TMEM62: variants seen among roughly 807,000 people sequenced by gnomAD.
The protein encoded by TMEM62 is transmembrane protein 62.
In TMEM62, 41 loss-of-function variants were observed where a neutral mutation model predicts 70.4. The observed-to-expected ratio is 0.58, with a 90% CI of 0.45 to 0.76. The LOEUF is 0.76. Ranked by LOEUF, TMEM62 falls within the 30% of genes least tolerant of loss-of-function variation. The probability of loss-of-function intolerance (pLI) is 0.00; values close to 1 mark genes in which losing one functional copy is unlikely to be tolerated. For synonymous variants in TMEM62, 268 were observed against 291.0 expected (o/e 0.92, Z 0.80); for missense variants, 688 against 788.5 (o/e 0.87, Z 1.53).
chr15:43,166,816 G>A (rs2039476298), intron 10 of TMEM62, among the ~76,000 whole-genome samples: 1 of 152,114 alleles, frequency 6.6e-6, no homozygotes, highest in Admixed American at 6.5e-5. Context: ...AACCCTGAGT[G>A]GATACACCAC....
intron 5 of TMEM62, among the ~76,000 whole-genome samples, chr15:43,147,879 G>T (rs2036871397): frequency 6.6e-6 from 1 of 151,850 alleles, no homozygotes; most frequent in South Asian, 2.1e-4. Flanking sequence ...AAACCCTGAG[G>T]GTAGATCCCA....
At chr15:43,169,388 C>T (rs545690329) in intron 10 of TMEM62, among the ~76,000 whole-genome samples, 13 of 152,306 alleles carry the variant, frequency 8.5e-5, no homozygotes, top group African/African-American at 2.2e-4. Context: ...AATGTTATAA[C>T]AATATGCTCC....
chr15:43,159,885 G>A (rs552370697), intron 9 of TMEM62, among the ~76,000 whole-genome samples: 15 of 152,174 alleles, frequency 9.9e-5, no homozygotes, highest in African/African-American at 3.6e-4. Context: ...GGAACAGAGG[G>A]AAATAAAAAA....
At chr15:43,151,724 A>G (rs1439215451) in intron 7 of TMEM62, 66 bp from the exon 8 acceptor site, 4 of 1,413,868 alleles carry the variant, frequency 2.8e-6, no homozygotes, top group Non-Finnish European at 2.9e-6. Context: ...TTTGTTCTGT[A>G]TATTACCTTC....
At chr15:43,142,388 C>T (rs2141558888) in intron 4 of TMEM62, among the ~76,000 whole-genome samples, 2 of 152,186 alleles carry the variant, frequency 1.3e-5, no homozygotes, top group East Asian at 3.9e-4. Flanking sequence ...TGGTCTTGAA[C>T]TCCTGACCTC....
intron 4 of TMEM62, among the ~76,000 whole-genome samples, chr15:43,140,446 C>A (rs565140471): frequency 6.6e-6 from 1 of 152,116 alleles, no homozygotes; most frequent in Non-Finnish European, 1.5e-5. Context: ...CCAACTTTGG[C>A]GGTCACATTG....
At position 43,169,596 on chromosome 15, in the gene TMEM62, C is replaced by T. The variant is rs779738250; in HGVS notation, c.1300C>T (p.Arg434Trp). ...GTTAACATCTATTTCCCTGCAGGCC[C>T]GGGTCCTTTTTGTGCTGATTGTGCT... ...ILRTDHYIMARVLFVLIVLSQ... is the reference protein window; with the variant it reads ...ILRTDHYIMAWVLFVLIVLSQ... Residue 434 changes from arginine to tryptophan, a missense_variant, in exon 11 of 14, where the codon CGG (arginine) becomes TGG (tryptophan). Arg to Trp is a moderately radical substitution (Grantham distance 101). Transcript: ENST00000260403. 47 of 1,613,712 alleles carry T rather than the reference C, an allele frequency of 2.9e-5. No homozygotes were observed. The highest frequency in any genetic ancestry group is 1.6e-4 in the East Asian group (7 of 44,886).
chr15:43,169,919 G>A (rs2040009488), intron 11 of TMEM62: 3 of 335,218 alleles, frequency 8.9e-6, no homozygotes, highest in Non-Finnish European at 1.6e-5. Context: ...GGTATGCATT[G>A]CTTCGGCCCC....
intron 12 of TMEM62, 65 bp downstream of exon 12, chr15:43,178,776 G>C (rs910572481): frequency 3.3e-6 from 3 of 915,860 alleles, no homozygotes; most frequent in Non-Finnish European, 5.1e-6. Context: ...TTTGACAATA[G>C]AATTAGACTC....
At chr15:43,154,620 A>G (rs1296679232) in intron 8 of TMEM62, 52 bp from the exon 9 acceptor site, 1 of 1,532,452 alleles carries the variant, frequency 6.5e-7, no homozygotes, top group African/African-American at 1.4e-5. Context: ...TCTCCTTTGC[A>G]AAAACAATGA....
chr15:43,144,957 T>C lies in TMEM62; in HGVS notation c.477-1536T>C, dbSNP rs190536988. Among the ~76,000 whole-genome samples, 665 of 151,860 alleles carry C rather than the reference T, an allele frequency of 4.4e-3. 5 individuals are homozygous for C. The highest frequency in any genetic ancestry group is 6.7e-3 in the Admixed American group (102 of 15,270). On this transcript the variant is annotated intron_variant, in intron 4 of 13. Coordinates refer to ENST00000260403, the MANE Select transcript of TMEM62 (RefSeq NM_024956.4). ...AATAAATGGCATTTTACTAAAAATA[T>C]AAATATTACAGAAATACCAATCTGA...
chr15:43,150,546 A>T (rs942488398), intron 7 of TMEM62, among the ~76,000 whole-genome samples: 7 of 152,254 alleles, frequency 4.6e-5, no homozygotes, highest in African/African-American at 1.7e-4. Context: ...AAAACAGTAT[A>T]TTGGAAATAT....
rs1333046715 is a variant in TMEM62, at chr15:43,133,865, G to A, written c.63G>A (p.Met21Ile). 5 of 1,483,560 alleles carry A rather than the reference G, an allele frequency of 3.4e-6. No homozygotes were observed. Among genetic ancestry groups the A allele is most frequent in the African/African-American group, 1.5e-5 (1 of 68,324 alleles). The allele number at this position is 1,483,560 out of a possible 1,614,324, so 91.9% of individuals were successfully genotyped here. A position where few individuals can be genotyped will look rare whatever the true frequency, so the allele number is the denominator to read the frequency against. ...TGGCGGCCGCAGCGCTGGTGGCCATGCTCTTGGAGCACTACGGCCTGGCGG... is the reference window on the plus strand; with the variant it reads ...TGGCGGCCGCAGCGCTGGTGGCCATACTCTTGGAGCACTACGGCCTGGCGG... ...AGLAAAALVA[M>I]LLEHYGLAGQ... Residue 21 changes from methionine to isoleucine, a missense_variant, in exon 1 of 14, where the codon ATG (methionine) becomes ATA (isoleucine). Coordinates refer to ENST00000260403, the MANE Select transcript of TMEM62 (RefSeq NM_024956.4).
At chr15:43,166,888 T>C (rs867831767) in intron 10 of TMEM62, among the ~76,000 whole-genome samples, 2 of 152,204 alleles carry the variant, frequency 1.3e-5, no homozygotes, top group African/African-American at 4.8e-5. Flanking sequence ...CAAGGCAGAA[T>C]AATTTTTCTT....
intron 13 of TMEM62, among the ~76,000 whole-genome samples, chr15:43,182,573 C>T (rs1465817016): frequency 6.6e-6 from 1 of 151,968 alleles, no homozygotes; most frequent in East Asian, 1.9e-4. Context: ...CCTGCCTCAG[C>T]CTCCCATGTA....
intron 4 of TMEM62, 111 bp from the exon 5 acceptor site, chr15:43,146,382 A>T (rs1192904140): frequency 9.8e-7 from 1 of 1,020,240 alleles, no homozygotes; most frequent in African/African-American, 1.6e-5. Flanking sequence ...TATTTCTGTC[A>T]GATCAGCAAA....
chr15:43,133,673 C>G lies in TMEM62; in HGVS notation c.-130C>G. On this transcript the variant is annotated 5_prime_UTR_variant, in exon 1 of 14. Transcript: ENST00000260403. ...CAGTGTCTGGCTCCAGCCCCGCATC[C>G]GGCGCCGGCCCCGCATCCAGCTCTG... The G allele has an allele frequency of 3.1e-6, 2 of 646,098 alleles. No individual in the cohort carries two copies. The highest frequency in any genetic ancestry group is 4.4e-6 in the Non-Finnish European group (2 of 452,688). 40.0% of individuals were successfully genotyped at this position (646,098 alleles called of 1,614,324 possible). A position where few individuals can be genotyped will look rare whatever the true frequency, so the allele number is the denominator to read the frequency against.
At chr15:43,134,729 C>T (rs939245355) in intron 2 of TMEM62, among the ~76,000 whole-genome samples, 1 of 152,172 alleles carries the variant, frequency 6.6e-6, no homozygotes, top group Non-Finnish European at 1.5e-5. Flanking sequence ...CAGAAGTTCT[C>T]TTCTTTTGCT....
At chr15:43,150,073 A>G (rs1050791296) in intron 7 of TMEM62, among the ~76,000 whole-genome samples, 5 of 152,230 alleles carry the variant, frequency 3.3e-5, no homozygotes, top group Non-Finnish European at 5.9e-5. Context: ...GTGCTCTCAG[A>G]TAATAGGTAC....
Sources: gnomAD v4.1 joint callset for allele counts (sites outside exome capture counted in the v4.1 genomes callset) on GRCh38, gnomAD v4.1.1 for gene constraint, MANE v1.5 for transcripts, NCBI Gene and HGNC (gene_info 2026-07-23, HGNC 2026-07-21) for gene names.